MAP2: variants seen among roughly 807,000 people sequenced by gnomAD.
MAP2 encodes the protein microtubule-associated protein 2.
A neutral mutation model predicts 137.6 loss-of-function variants in MAP2; 14 were observed. That is an observed-to-expected ratio of 0.10 (90% CI 0.07 to 0.16). The LOEUF (loss-of-function observed/expected upper bound fraction) is 0.16. Ranked by LOEUF, MAP2 falls within the 10% of genes least tolerant of loss-of-function variation. MAP2 has a pLI of 1.00. For synonymous variants in MAP2, 786 were observed against 782.3 expected, an observed-to-expected ratio of 1.00 and a Z score of -0.08; for missense variants, 2,088 against 2,191.5, an observed-to-expected ratio of 0.95 and a Z score of 0.94.
At chr2:209,543,793 C>A (rs1043452479) in intron 2 of MAP2, among the ~76,000 whole-genome samples, 1 of 152,136 alleles carries the variant, frequency 6.6e-6, no homozygotes, top group Non-Finnish European at 1.5e-5. Flanking sequence ...CTGTAAAAAC[C>A]AGCATTGAAA....
At chr2:209,496,334 T>C (rs1201696224) in intron 1 of MAP2, among the ~76,000 whole-genome samples, 1 of 152,188 alleles carries the variant, frequency 6.6e-6, no homozygotes, top group Non-Finnish European at 1.5e-5. Flanking sequence ...GGCTTACACA[T>C]AGCCAGCACT....
At chr2:209,504,098 G>C (rs1258901743) in intron 1 of MAP2, among the ~76,000 whole-genome samples, 1 of 134,000 alleles carries the variant, frequency 7.5e-6, no homozygotes, top group Non-Finnish European at 1.6e-5. Context: ...CCTGTCTCTG[G>C]AAAAAAAAAA....
At chr2:209,715,499 G>A (rs1239359756) in intron 13 of MAP2, among the ~76,000 whole-genome samples, 1 of 151,588 alleles carries the variant, frequency 6.6e-6, no homozygotes, top group Non-Finnish European at 1.5e-5. Flanking sequence ...ATTCTAGGAG[G>A]AAAGGTGAGC....
At chr2:209,549,430 A>G (rs1003892633) in intron 2 of MAP2, among the ~76,000 whole-genome samples, 3 of 152,280 alleles carry the variant, frequency 2.0e-5, no homozygotes, top group Non-Finnish European at 2.9e-5. Flanking sequence ...CCATTAATCA[A>G]TTAAGTGTTT....
At chr2:209,478,089 G>A (rs189333071) in intron 1 of MAP2, among the ~76,000 whole-genome samples, 24 of 152,290 alleles carry the variant, frequency 1.6e-4, no homozygotes, top group African/African-American at 5.3e-4. Flanking sequence ...CTAAAGTTTT[G>A]TAGCACCTGA....
intron 3 of MAP2, among the ~76,000 whole-genome samples, chr2:209,606,520 G>C (rs2084814905): frequency 6.6e-6 from 1 of 151,414 alleles, no homozygotes; most frequent in African/African-American, 2.4e-5. Context: ...AGTAAACCTT[G>C]TCTCAAAAAA....
chr2:209,522,749 T>C (rs970427672), intron 2 of MAP2, among the ~76,000 whole-genome samples: 1 of 152,154 alleles, frequency 6.6e-6, no homozygotes, highest in East Asian at 1.9e-4. Flanking sequence ...AATCTTAAAT[T>C]TTCTTCATTC....
chr2:209,670,053 C>A (rs2153660203), intron 5 of MAP2, among the ~76,000 whole-genome samples: 1 of 151,976 alleles, frequency 6.6e-6, no homozygotes, highest in Non-Finnish European at 1.5e-5. Flanking sequence ...TGACGAGATG[C>A]AAAACAGAAC....
intron 2 of MAP2, among the ~76,000 whole-genome samples, chr2:209,562,988 C>T (rs2072529953): frequency 6.6e-6 from 1 of 152,146 alleles, no homozygotes; most frequent in African/African-American, 2.4e-5. Context: ...TCCATTGCTT[C>T]CTGGGTACCT....
intron 4 of MAP2, among the ~76,000 whole-genome samples, chr2:209,634,468 C>T (rs2093381685): frequency 6.6e-6 from 1 of 152,058 alleles, no homozygotes; most frequent in Non-Finnish European, 1.5e-5. Context: ...TTGTCATTTT[C>T]TTCATCCAGC....
In MAP2 at chr2:209,700,327, G is replaced by A; in HGVS notation, c.4573G>A (p.Asp1525Asn). The change falls in exon 11 of 16, where the codon GAC becomes AAC. Residue 1525 changes from aspartate (D) to asparagine (N), a missense_variant. By Grantham distance (23) the Asp-to-Asn change is conservative. This residue lies in a region of MAP2 where 591 missense variants were observed against 642.6 expected (regional missense o/e 0.92). Coordinates refer to ENST00000682079, the MANE Select transcript of MAP2 (RefSeq NM_001375505.1). ...TCCCAGTGTATTTAAACAGGCAAAG[G>A]ACAAAGTCTCTGTGAGTAAAATAAG... ...LAPSVFKQAK[D>N]KVSDGVTKSP... is the part of the protein sequence containing the mutation. The A allele has an allele frequency of 7.4e-6, 12 of 1,612,802 alleles. No homozygotes were observed. The highest frequency in any genetic ancestry group is 1.0e-5 in the Non-Finnish European group (12 of 1,179,140).
chr2:209,702,819 T>C (rs1438646470), intron 11 of MAP2, among the ~76,000 whole-genome samples: 1 of 152,132 alleles, frequency 6.6e-6, no homozygotes, highest in Non-Finnish European at 1.5e-5. Flanking sequence ...AAGTGATTTG[T>C]ACAGTCTGTA....
At chr2:209,614,381 G>A (rs1373599323) in intron 3 of MAP2, among the ~76,000 whole-genome samples, 11 of 152,068 alleles carry the variant, frequency 7.2e-5, no homozygotes, top group South Asian at 6.2e-4. Context: ...TAGGGAGGCA[G>A]CCTCTTCTTT....
intron 2 of MAP2, among the ~76,000 whole-genome samples, chr2:209,548,658 C>A (rs144047441): frequency 2.0e-5 from 3 of 152,262 alleles, no homozygotes; most frequent in Non-Finnish European, 2.9e-5. Context: ...TAGCCATAAT[C>A]CCCACAACCC....
intron 3 of MAP2, among the ~76,000 whole-genome samples, chr2:209,602,542 A>G (rs2083309342): frequency 6.6e-6 from 1 of 152,226 alleles, no homozygotes; most frequent in Admixed American, 6.5e-5. Context: ...GTAAATAGGA[A>G]CACGAATACA....
At chr2:209,464,288 C>T (rs889078697) in intron 1 of MAP2, among the ~76,000 whole-genome samples, 1 of 152,014 alleles carries the variant, frequency 6.6e-6, no homozygotes, top group Non-Finnish European at 1.5e-5. Context: ...ACAGGTACTT[C>T]GATTGAAAAT....
At position 209,528,846 on chromosome 2, in the gene MAP2, A is replaced by G. The variant is rs147497276; in HGVS notation, c.-172+21205A>G. Reference sequence around the variant, plus strand: ...TATATGTACATATGTATGTATATATATGTGTGTGTGTATATGTGTGTGTAT... The same window carrying G: ...TATATGTACATATGTATGTATATATGTGTGTGTGTGTATATGTGTGTGTAT... On this transcript the variant is annotated intron_variant, in intron 2 of 15. Transcript: ENST00000682079. 9.4e-3 allele frequency among the ~76,000 whole-genome samples: 1,380 copies of G among 146,258 alleles called. 11 individuals carry two copies. The highest frequency in any genetic ancestry group is 0.012 in the Non-Finnish European group (813 of 66,232).
chr2:209,713,286 G>T (rs983657707), intron 13 of MAP2, among the ~76,000 whole-genome samples: 7 of 152,082 alleles, frequency 4.6e-5, no homozygotes, highest in African/African-American at 1.7e-4. Flanking sequence ...CAAATTATTT[G>T]CCTGCAGTTT....
At chr2:209,455,175 TG>T (rs1408642112) in intron 1 of MAP2, among the ~76,000 whole-genome samples, 12 of 152,158 alleles carry the variant, frequency 7.9e-5, no homozygotes, top group African/African-American at 2.9e-4. Context: ...ATATAAACCT[TG>T]TGGGGACATA....
Sources: allele counts gnomAD v4.1 joint callset (sites outside exome capture counted in the v4.1 genomes callset), GRCh38; gene constraint gnomAD v4.1.1; regional missense constraint gnomAD v4.1.1; transcripts MANE v1.5; gene names NCBI Gene and HGNC (gene_info 2026-07-23, HGNC 2026-07-21).